CCDC88A: variants seen among roughly 807,000 people sequenced by gnomAD.
The protein encoded by CCDC88A is girdin.
In CCDC88A, 54 loss-of-function variants were observed where a neutral mutation model predicts 234.3. The ratio of observed to expected loss-of-function variants is 0.23; its 90% CI spans 0.19 to 0.29. The LOEUF (loss-of-function observed/expected upper bound fraction) is 0.29. Among genes scored for constraint, CCDC88A ranks in the 10% least tolerant of loss-of-function variants. The pLI, the probability that CCDC88A is intolerant of heterozygous loss-of-function variation, is 1.00. For synonymous variants in CCDC88A, 753 were observed against 737.8 expected, an observed-to-expected ratio of 1.02 and a Z score of -0.33; for missense variants, 1,832 against 2,123.4, an observed-to-expected ratio of 0.86 and a Z score of 2.70.
Position 55,339,448 on chromosome 2 carries a change from C to T in CCDC88A, c.1518+16G>A, listed in dbSNP as rs775728138. The T allele has an allele frequency of 2.8e-5, 41 of 1,481,046 alleles. No homozygotes were observed. The East Asian group carries it at 9.3e-4, about 33-fold the overall frequency. 91.7% of individuals were successfully genotyped at this position (1,481,046 alleles called of 1,614,324 possible). Reference sequence around the variant, plus strand: ...AGTTTTTTTAACATTAAAATAAACACTACATTTTAATTTACCTTTTTACTG... The same window carrying T: ...AGTTTTTTTAACATTAAAATAAACATTACATTTTAATTTACCTTTTTACTG... On this transcript the variant is annotated intron_variant, in intron 13 of 32. Coordinates refer to ENST00000436346, the MANE Select transcript of CCDC88A (RefSeq NM_001365480.1).
In CCDC88A at chr2:55,332,120, CT is replaced by C. The variant is rs941777934; in HGVS notation, c.2855+445del. The C allele has an allele frequency of 2.0e-5, 3 of 152,208 alleles. No individual in the cohort carries two copies. The highest frequency in any genetic ancestry group is 4.4e-5 in the Non-Finnish European group (3 of 68,768). The allele number at this position is 152,208 out of a possible 1,614,324, so 9.4% of individuals were successfully genotyped here. A position where few individuals can be genotyped will look rare whatever the true frequency, so the allele number is the denominator to read the frequency against. ...TCCTCTTTTCTCCTTACAGAACTTT[CT>C]TTTTTTTTCTTTTTGAGATGGAGTT... is the stretch of plus-strand genomic sequence containing the variant. On this transcript the variant is annotated intron_variant, in intron 16 of 32. Transcript: ENST00000436346. This position sits in a 1 kb window ranked among gnomAD's most constrained non-coding sequence, Gnocchi z 4.5.
chr2:55,334,840 A>G lies in CCDC88A; in HGVS notation c.1981T>C (p.Leu661=). 1.3e-6 allele frequency: 2 copies of G among 1,551,242 alleles called. No individual in the cohort carries two copies. Among genetic ancestry groups the G allele is most frequent in the South Asian group, 1.2e-5 (1 of 83,484 alleles). Residue 661 remains leucine, a synonymous_variant, in exon 15 of 33, where the codon TTA becomes CTA. Coordinates refer to ENST00000436346, the MANE Select transcript of CCDC88A (RefSeq NM_001365480.1). This position sits in a 1 kb window ranked among gnomAD's most constrained non-coding sequence, Gnocchi z 6.1. ...TCTAGCTCTGAATTTTCTTGTTCTAAGGCCTCAATTTTTTCACAAGTAATT... is the reference window on the plus strand; with the variant it reads ...TCTAGCTCTGAATTTTCTTGTTCTAGGGCCTCAATTTTTTCACAAGTAATT... ...LKITCEKIEA[L]EQENSELERE...
At chr2:55,342,405 T>C (rs970341735) in intron 12 of CCDC88A, among the ~76,000 whole-genome samples, 4 of 152,156 alleles carry the variant, frequency 2.6e-5, no homozygotes, top group African/African-American at 4.8e-5. Context: ...ATGCTTACTA[T>C]TTACCAGGCA....
At chr2:55,406,957 A>T (rs996969065) in intron 2 of CCDC88A, among the ~76,000 whole-genome samples, 2 of 152,188 alleles carry the variant, frequency 1.3e-5, no homozygotes, top group Non-Finnish European at 2.9e-5. Context: ...TAATGCCTAT[A>T]ACCCCAGGAC....
chr2:55,418,733 G>A lies in CCDC88A; in HGVS notation c.164+83C>T. The A allele has an allele frequency of 6.4e-6, 7 of 1,091,548 alleles. 1 individual carries two copies. The South Asian group carries it at 8.9e-5, about 14-fold the overall frequency. The allele number at this position is 1,091,548 out of a possible 1,614,324, so 67.6% of individuals were successfully genotyped here. A position where few individuals can be genotyped will look rare whatever the true frequency, so the allele number is the denominator to read the frequency against. ...TATTTCTGGCCAATGAACCAAATTA[G>A]GGGCTTAAAACATCGTGTCTCAAAG... On this transcript the variant is annotated intron_variant, in intron 2 of 32. Transcript: ENST00000436346.
chr2:55,366,211 G>A (rs2104797389), intron 5 of CCDC88A, among the ~76,000 whole-genome samples: 1 of 152,196 alleles, frequency 6.6e-6, no homozygotes, highest in South Asian at 2.1e-4. Flanking sequence ...TAAGCCAGTA[G>A]ATTACCATGA....
At chr2:55,416,832 C>T (rs866625410) in intron 2 of CCDC88A, 1 of 151,678 alleles carries the variant, frequency 6.6e-6, no homozygotes, top group Non-Finnish European at 1.5e-5. Context: ...TATTTTGTTG[C>T]CCTATCAGTT....
intron 3 of CCDC88A, among the ~76,000 whole-genome samples, chr2:55,383,117 A>T (rs768000049): frequency 3.3e-5 from 5 of 151,600 alleles, no homozygotes; most frequent in Non-Finnish European, 7.4e-5. Context: ...AAATTTACCT[A>T]TCATTACTGA....
At chr2:55,344,146 A>G in intron 11 of CCDC88A, 1 of 376,494 alleles carries the variant, frequency 2.7e-6, no homozygotes, top group Non-Finnish European at 4.7e-6. Flanking sequence ...TGGTATTAAA[A>G]GGTTGAAGAC....
At chr2:55,346,408 A>T in intron 9 of CCDC88A, 75 bp from the exon 10 acceptor site, 1 of 800,002 alleles carries the variant, frequency 1.3e-6, no homozygotes, top group Admixed American at 3.1e-5. Context: ...ACAATTTGAA[A>T]TTTTATTTAT....
intron 17 of CCDC88A, among the ~76,000 whole-genome samples, chr2:55,324,699 G>C (rs1283884308): frequency 1.3e-5 from 2 of 151,776 alleles, no homozygotes; most frequent in Non-Finnish European, 2.9e-5. Flanking sequence ...AGGCTGGAGT[G>C]CAGTGGTGCA....
chr2:55,328,293 C>T lies in CCDC88A; in HGVS notation c.2997+1G>A. On this transcript the variant is annotated splice_donor_variant, in intron 17 of 32. Transcript: ENST00000436346. LOFTEE classifies it high-confidence loss of function. This position sits in a 1 kb window ranked among gnomAD's most constrained non-coding sequence, Gnocchi z 4.3. Reference sequence around the variant, plus strand: ...AAATTCTTTCCAAGAAAATCACTTACTGTTTTAAGTTCTTGGCGCAATTGC... The same window carrying T: ...AAATTCTTTCCAAGAAAATCACTTATTGTTTTAAGTTCTTGGCGCAATTGC... 1 of 1,570,558 alleles carries T rather than the reference C, an allele frequency of 6.4e-7. No homozygotes were observed. The highest frequency in any genetic ancestry group is 8.6e-7 in the Non-Finnish European group (1 of 1,162,110).
In CCDC88A at chr2:55,411,947, A is replaced by G. The variant is rs141963062; in HGVS notation, c.164+6869T>C. On this transcript the variant is annotated intron_variant, in intron 2 of 32. Coordinates refer to ENST00000436346, the MANE Select transcript of CCDC88A (RefSeq NM_001365480.1). ...ATAACATCGGTGGGAAAAATATCCA[A>G]TAAAGGTAATTAAAACAAATACGGG... is the stretch of plus-strand genomic sequence containing the variant. Among the ~76,000 whole-genome samples, 28 of 152,278 alleles carry G rather than the reference A, an allele frequency of 1.8e-4. No homozygotes were observed. The East Asian group carries it at 5.2e-3, about 28-fold the overall frequency.
chr2:55,304,172 C>CCT (rs1490684827), intron 25 of CCDC88A, among the ~76,000 whole-genome samples: 1 of 150,872 alleles, frequency 6.6e-6, no homozygotes, highest in Non-Finnish European at 1.5e-5. Context: ...GTGGTGAGCA[C>CCT]CTGTAGTCCT....
chr2:55,336,906 G>T, intron 13 of CCDC88A, 88 bp from the exon 14 acceptor site: 1 of 771,824 alleles, frequency 1.3e-6, no homozygotes, highest in Non-Finnish European at 2.0e-6. Flanking sequence ...CTGAATAAAG[G>T]ATAAAATAGT....
chr2:55,330,911 T>A (rs2589065), intron 16 of CCDC88A, among the ~76,000 whole-genome samples: 36 of 152,116 alleles, frequency 2.4e-4, no homozygotes, highest in African/African-American at 8.7e-4. Flanking sequence ...GAATGCCCTT[T>A]CCCACTGTTC....
intron 6 of CCDC88A, chr2:55,363,649 TCTG>T (rs1464219834): frequency 1.4e-5 from 3 of 216,598 alleles, no homozygotes; most frequent in Non-Finnish European, 2.7e-5. Flanking sequence ...TGTTCCACTT[TCTG>T]CTGTTTCCAT....
intron 31 of CCDC88A, chr2:55,294,234 G>A (rs1322925591): frequency 1.1e-6 from 1 of 914,734 alleles, no homozygotes; most frequent in Non-Finnish European, 1.3e-6. Context: ...AAAAACTATT[G>A]TATTAACTGA....
At chr2:55,407,836 G>A (rs1025818225) in intron 2 of CCDC88A, among the ~76,000 whole-genome samples, 2 of 149,300 alleles carry the variant, frequency 1.3e-5, no homozygotes, top group African/African-American at 5.0e-5. Context: ...TCCTGCCTCT[G>A]CCTCCCGTGT....
Sources: allele counts gnomAD v4.1 joint callset (sites outside exome capture counted in the v4.1 genomes callset), GRCh38; gene constraint gnomAD v4.1.1; non-coding constraint Gnocchi (gnomAD v3.1); transcripts MANE v1.5; gene names NCBI Gene and HGNC (gene_info 2026-07-23, HGNC 2026-07-21).